Variants in NXPE4 observed in about 807,000 individuals in gnomAD.
NXPE4 encodes the protein neurexophilin and PC-esterase domain family member 4, also known as NXPE family member 4.
In NXPE4, 42 loss-of-function variants were observed where a neutral mutation model predicts 33.3. That is an observed-to-expected ratio of 1.26 (90% CI 0.98 to 1.63). The LOEUF (loss-of-function observed/expected upper bound fraction) is 1.63. Among genes scored for constraint, NXPE4 ranks in the 40% most tolerant of loss-of-function variants. The pLI is 0.00. For missense variants in NXPE4, 709 were observed against 647.6 expected, an observed-to-expected ratio of 1.09 and a Z score of -1.03; for synonymous variants, 253 against 234.9, an observed-to-expected ratio of 1.08 and a Z score of -0.71.
At chr11:114,606,112 T>C in the NXPE4 span, among the ~76,000 whole-genome samples, 1 of 151,506 alleles carries the variant, frequency 6.6e-6, no homozygotes, top group African/African-American at 2.4e-5. Context: ...CACTGTTATC[T>C]GGTGGATAAT....
In NXPE4 at chr11:114,576,856, A is replaced by G. The variant is rs149575621; in HGVS notation, c.1099+3276T>C. ...TTCTTGGTATCTACCCAGAGGAAGA[A>G]AAGTCATTATACGAAAAAAATACTT... is the stretch of plus-strand genomic sequence containing the variant. On this transcript the variant is annotated intron_variant, in intron 5 of 5. Coordinates refer to ENST00000375478, the MANE Select transcript of NXPE4 (RefSeq NM_001077639.2). Among the ~76,000 whole-genome samples, 21 of 151,588 alleles carry G rather than the reference A, an allele frequency of 1.4e-4. No homozygotes were observed. In the East Asian group the frequency reaches 4.1e-3, roughly 29 times the overall value.
the NXPE4 span, among the ~76,000 whole-genome samples, chr11:114,636,094 C>T: frequency 2.5e-4 from 1 of 4,036 alleles, no homozygotes; most frequent in Non-Finnish European, 4.0e-4. Flanking sequence ...CCATCTGGTC[C>T]TGGACTCTTT....
the NXPE4 span, among the ~76,000 whole-genome samples, chr11:114,639,852 A>C: frequency 3.1e-5 from 3 of 97,192 alleles, no homozygotes; most frequent in African/African-American, 1.3e-4. Context: ...ATAAAATATA[A>C]TATATATTAT....
At chr11:114,640,859 T>C in the NXPE4 span, among the ~76,000 whole-genome samples, 1 of 152,074 alleles carries the variant, frequency 6.6e-6, no homozygotes, top group African/African-American at 2.4e-5. Context: ...TATTAGTCAT[T>C]TGTCAAATGT....
chr11:114,611,434 C>T, the NXPE4 span, among the ~76,000 whole-genome samples: 1 of 151,578 alleles, frequency 6.6e-6, no homozygotes, highest in Non-Finnish European at 1.5e-5. Context: ...CTAGGGTAAT[C>T]ACTGTTACCC....
the NXPE4 span, among the ~76,000 whole-genome samples, chr11:114,648,853 T>C: frequency 6.6e-6 from 1 of 152,180 alleles, no homozygotes; most frequent in African/African-American, 2.4e-5. Context: ...TTGTATACCA[T>C]AGTCAAAATG....
At chr11:114,583,269 G>T in intron 2 of NXPE4, 2 of 652,570 alleles carry the variant, frequency 3.1e-6, no homozygotes, top group Non-Finnish European at 5.6e-6. Flanking sequence ...CAAAGGCAGG[G>T]CACCAGGAGG....
At chr11:114,615,422 T>A in the NXPE4 span, among the ~76,000 whole-genome samples, 1 of 151,992 alleles carries the variant, frequency 6.6e-6, no homozygotes, top group Non-Finnish European at 1.5e-5. Flanking sequence ...CTATGGAGAA[T>A]AAGTAATGCC....
chr11:114,626,095 G>T, the NXPE4 span, among the ~76,000 whole-genome samples: 4 of 152,182 alleles, frequency 2.6e-5, no homozygotes, highest in Admixed American at 2.0e-4. Context: ...AGCGAGGCTG[G>T]GAGAGGGGCG....
At chr11:114,600,156 A>C (rs1949620820), upstream of NXPE4, among the ~76,000 whole-genome samples, 1 of 152,190 alleles carries the variant, frequency 6.6e-6, no homozygotes, top group East Asian at 1.9e-4. Context: ...TATTTCCACC[A>C]ATATATTTAT....
the NXPE4 span, among the ~76,000 whole-genome samples, chr11:114,652,300 C>G: frequency 3.7e-4 from 57 of 152,342 alleles, no homozygotes; most frequent in African/African-American, 5.3e-4. Flanking sequence ...TTAAGGCATC[C>G]TGTTCCTTCC....
At chr11:114,654,863 A>G in the NXPE4 span, among the ~76,000 whole-genome samples, 1 of 152,136 alleles carries the variant, frequency 6.6e-6, no homozygotes, top group Non-Finnish European at 1.5e-5. Context: ...GTCAAATGGT[A>G]TTTCTGGTTC....
chr11:114,584,108 G>T (rs747099994), intron 2 of NXPE4: 16 of 289,876 alleles, frequency 5.5e-5, no homozygotes, highest in Non-Finnish European at 1.1e-4. Context: ...CAAGTGTGTG[G>T]AATCTGTCAA....
At chr11:114,627,706 T>A in the NXPE4 span, among the ~76,000 whole-genome samples, 1 of 152,078 alleles carries the variant, frequency 6.6e-6, no homozygotes, top group Non-Finnish European at 1.5e-5. Flanking sequence ...AATGCTCCAA[T>A]TAAAAGACAC....
At chr11:114,657,985 T>C in the NXPE4 span, among the ~76,000 whole-genome samples, 4 of 152,234 alleles carry the variant, frequency 2.6e-5, no homozygotes, top group South Asian at 2.1e-4. Context: ...AACTAACTTA[T>C]TGCTTTCTTT....
chr11:114,586,967 C>T (rs1949315184), intron 2 of NXPE4, among the ~76,000 whole-genome samples: 1 of 152,102 alleles, frequency 6.6e-6, no homozygotes, highest in Non-Finnish European at 1.5e-5. Flanking sequence ...CTCCCCACAC[C>T]CCCTGTGAAC....
At chr11:114,591,916 C>T (rs949367484) in intron 2 of NXPE4, among the ~76,000 whole-genome samples, 2 of 152,090 alleles carry the variant, frequency 1.3e-5, no homozygotes, top group African/African-American at 2.4e-5. Context: ...GTGGCCCCTT[C>T]TCATTCAACA....
At chr11:114,627,348 G>C in the NXPE4 span, among the ~76,000 whole-genome samples, 1 of 152,044 alleles carries the variant, frequency 6.6e-6, no homozygotes, top group South Asian at 2.1e-4. Flanking sequence ...AGCCAGAAGA[G>C]AGTGGGGACC....
At chr11:114,603,355 A>C in the NXPE4 span, among the ~76,000 whole-genome samples, 3 of 150,634 alleles carry the variant, frequency 2.0e-5, no homozygotes, top group Non-Finnish European at 4.4e-5. Flanking sequence ...GGTAACTCCT[A>C]TTACCTGACG....
Sources: allele counts gnomAD v4.1 joint callset (sites outside exome capture counted in the v4.1 genomes callset), GRCh38; gene constraint gnomAD v4.1.1; transcripts MANE v1.5; gene names NCBI Gene and HGNC (gene_info 2026-07-23, HGNC 2026-07-21).